Variants in RSRP1 observed in about 807,000 individuals in gnomAD.
The protein encoded by RSRP1 is arginine/serine-rich protein 1.
A neutral mutation model predicts 33.0 loss-of-function variants in RSRP1; 37 were observed. That is an observed-to-expected ratio of 1.12 (90% CI 0.86 to 1.48). RSRP1 has a LOEUF of 1.48. RSRP1 is among the 40% of genes most tolerant of loss of function. The probability of loss-of-function intolerance (pLI) is 0.00; values close to 1 mark genes in which losing one functional copy is unlikely to be tolerated. For synonymous variants in RSRP1, 167 were observed against 158.7 expected (o/e 1.05, Z -0.40); for missense variants, 402 against 385.3 (o/e 1.04, Z -0.36).
intron 1 of RSRP1, 22 bp downstream of exon 1, chr1:25,247,287 A>AC: frequency 3.2e-6 from 1 of 316,024 alleles, no homozygotes; most frequent in Non-Finnish European, 5.8e-6. Flanking sequence ...GTCCTGAGAG[A>AC]CCCCGTCAGC....
intron 1 of RSRP1, chr1:25,253,289 A>G (rs1639847487): frequency 6.6e-6 from 1 of 152,230 alleles, no homozygotes; most frequent in African/African-American, 2.4e-5. Flanking sequence ...AATCACATAG[A>G]TCTAATGTGT....
intron 1 of RSRP1, among the ~76,000 whole-genome samples, chr1:25,299,968 T>A (rs1310930480): frequency 7.6e-6 from 1 of 131,006 alleles, no homozygotes; most frequent in Non-Finnish European, 1.8e-5. Flanking sequence ...CAGGCTGGTA[T>A]CGAACTCCTG....
chr1:25,311,520 G>A (rs2478028), intron 1 of RSRP1, among the ~76,000 whole-genome samples: 79,858 of 126,758 alleles, frequency 0.63, 32,000 homozygotes, highest in South Asian at 0.86. Flanking sequence ...GCAAAACTCC[G>A]TCTCAAAAAG....
At chr1:25,245,019 G>A in intron 3 of RSRP1, 131 bp downstream of exon 3, 1 of 1,569,578 alleles carries the variant, frequency 6.4e-7, no homozygotes. Context: ...CTTCAGATTT[G>A]CTACTTTGAA....
intron 1 of RSRP1, among the ~76,000 whole-genome samples, chr1:25,260,816 G>C (rs943207427): frequency 3.3e-5 from 3 of 91,398 alleles, no homozygotes; most frequent in African/African-American, 8.3e-5. Flanking sequence ...TTTTTTTTTT[G>C]AGACAGAGTC....
In RSRP1 at chr1:25,268,502, G is replaced by C. The variant is rs181850480; in HGVS notation, c.-66-21473C>G. ...CCACTGCATTCCAGCCTGGGTGACA[G>C]AGTACTCCGTCTAAAAAAAAAACCT... On this transcript the variant is annotated intron_variant, in intron 1 of 1. Transcript: ENST00000561867. Among the ~76,000 whole-genome samples the C allele has an allele frequency of 1.7e-3, 226 of 130,846 alleles. 39 individuals carry two copies. The highest frequency in any genetic ancestry group is 0.014 in the Admixed American group (183 of 13,478). 85.8% of individuals were successfully genotyped at this position (130,846 alleles called of 152,430 possible). A position where few individuals can be genotyped will look rare whatever the true frequency, so the allele number is the denominator to read the frequency against.
At chr1:25,246,229 C>G (rs1639376852) in intron 2 of RSRP1, among the ~76,000 whole-genome samples, 1 of 152,148 alleles carries the variant, frequency 6.6e-6, no homozygotes, top group Non-Finnish European at 1.5e-5. Context: ...AAAAAAGTTC[C>G]CTACATCCTG....
At chr1:25,262,820 G>A (rs953611665) in intron 1 of RSRP1, among the ~76,000 whole-genome samples, 5 of 152,164 alleles carry the variant, frequency 3.3e-5, no homozygotes, top group African/African-American at 7.2e-5. Context: ...CCTTTCTTCC[G>A]TTTTTGTTTC....
chr1:25,254,539 G>T (rs947941302), intron 1 of RSRP1, among the ~76,000 whole-genome samples: 12 of 152,234 alleles, frequency 7.9e-5, no homozygotes, highest in African/African-American at 2.9e-4. Context: ...CAGTTCAAGC[G>T]ATTCTCCTGC....
At chr1:25,293,350 C>CT (rs1278720414) in intron 1 of RSRP1, among the ~76,000 whole-genome samples, 2,525 of 112,132 alleles carry the variant, frequency 0.023, 323 homozygotes, top group African/African-American at 0.068. Context: ...GACAGTTCAT[C>CT]TTTTTTTTTT....
upstream of RSRP1, among the ~76,000 whole-genome samples, chr1:25,249,844 T>C (rs1639721207): frequency 3.3e-5 from 5 of 152,234 alleles, no homozygotes; most frequent in South Asian, 1.0e-3. Flanking sequence ...ACTTTAGTTA[T>C]TAGAACATCT....
upstream of RSRP1, chr1:25,248,308 A>G (rs1385945431): frequency 6.6e-6 from 1 of 152,040 alleles, no homozygotes; most frequent in Non-Finnish European, 1.5e-5. Context: ...ACTTCTTGTA[A>G]TAAAGCATAA....
Position 25,261,705 on chromosome 1 carries a change from A to ATTT in RSRP1, c.-66-14679_-66-14677dup, listed in dbSNP as rs376795548. On this transcript the variant is annotated intron_variant, in intron 1 of 1. Transcript: ENST00000561867. ...AGGCATGAGCCACCGCGCCCAGCAG[A>ATTT]TTTTTTTTTTTTTTTTTTTTTTTTG... Among the ~76,000 whole-genome samples, 34 of 93,680 alleles carry ATTT rather than the reference A, an allele frequency of 3.6e-4. 1 individual carries two copies. Among genetic ancestry groups the ATTT allele is most frequent in the African/African-American group, 9.0e-4 (20 of 22,346 alleles). 61.5% of individuals were successfully genotyped at this position (93,680 alleles called of 152,430 possible).
chr1:25,259,869 G>A (rs1350550975), intron 1 of RSRP1, among the ~76,000 whole-genome samples: 1 of 152,112 alleles, frequency 6.6e-6, no homozygotes, highest in Non-Finnish European at 1.5e-5. Flanking sequence ...ACGTGGCAGT[G>A]CTTGTGATTC....
chr1:25,242,682 T>C lies in RSRP1; in HGVS notation c.780A>G (p.Gln260=), dbSNP rs1179519356. 1 of 1,608,798 alleles carries C rather than the reference T, an allele frequency of 6.2e-7. No homozygotes were observed. ...SSNNSVAKPI[Q]KSAKAATEEA... is the part of the protein sequence containing the mutation. ...CTTCTGTGGCAGCTTTAGCTGATTTTTGTATTGGCTTTGCTACAGAATTCT... is the reference window on the plus strand; with the variant it reads ...CTTCTGTGGCAGCTTTAGCTGATTTCTGTATTGGCTTTGCTACAGAATTCT... Residue 260 remains glutamine (Q), a synonymous_variant, in exon 5 of 5, where the codon CAA becomes CAG. Transcript: ENST00000243189.
Position 25,245,317 on chromosome 1 carries a change from A to G in RSRP1, c.521-16T>C. 1 of 1,598,832 alleles carries G rather than the reference A, an allele frequency of 6.3e-7. No individual in the cohort carries two copies. Among genetic ancestry groups the G allele is most frequent in the Non-Finnish European group, 8.5e-7 (1 of 1,170,272 alleles). ...TCCATTCGATCTAAAAAAAAAAGAG[A>G]GAGATTTTAAAATACTCATTAATCT... is the stretch of plus-strand genomic sequence containing the variant. On this transcript the variant is annotated splice_polypyrimidine_tract_variant and intron_variant, in intron 2 of 4. Coordinates refer to ENST00000243189, the MANE Select transcript of RSRP1 (RefSeq NM_020317.5).
chr1:25,257,074 T>C (rs1639971582), intron 1 of RSRP1, among the ~76,000 whole-genome samples: 1 of 152,224 alleles, frequency 6.6e-6, no homozygotes, highest in Admixed American at 6.5e-5. Context: ...TTACTTTTAT[T>C]CCTAAAGTGG....
At chr1:25,274,614 A>C (rs1278786861) in intron 1 of RSRP1, among the ~76,000 whole-genome samples, 3 of 133,440 alleles carry the variant, frequency 2.2e-5, no homozygotes, top group East Asian at 3.9e-4. Context: ...GGGACAAAGG[A>C]GGGTCATCCA....
intron 1 of RSRP1, among the ~76,000 whole-genome samples, chr1:25,258,177 CT>C (rs1394755906): frequency 6.6e-6 from 1 of 151,476 alleles, no homozygotes; most frequent in African/African-American, 2.4e-5. Flanking sequence ...AATGCATAAT[CT>C]CATTATTTAT....
Sources: gnomAD v4.1 joint callset for allele counts (sites outside exome capture counted in the v4.1 genomes callset) on GRCh38, gnomAD v4.1.1 for gene constraint, MANE v1.5 for transcripts, NCBI Gene and HGNC (gene_info 2026-07-23, HGNC 2026-07-21) for gene names.